Variants in RFTN1 observed in about 807,000 individuals in gnomAD.
RFTN1 encodes raftlin, lipid raft linker 1.
RFTN1 carries 26 observed loss-of-function variants against 46.5 expected under a neutral mutation model. The observed-to-expected ratio is 0.56, with a 90% CI of 0.41 to 0.78. The LOEUF is 0.78. Among genes scored for constraint, RFTN1 ranks in the 30% least tolerant of loss-of-function variants. RFTN1 has a pLI of 0.00. For missense variants in RFTN1, 693 were observed against 718.7 expected, an observed-to-expected ratio of 0.96 and a Z score of 0.41; for synonymous variants, 261 against 284.2, an observed-to-expected ratio of 0.92 and a Z score of 0.82.
chr3:16,323,799 GTC>G (rs921315272), intron 8 of RFTN1, among the ~76,000 whole-genome samples: 1 of 152,328 alleles, frequency 6.6e-6, no homozygotes, highest in South Asian at 2.1e-4. Flanking sequence ...TTCCAAATCT[GTC>G]TCTGGTAATG....
At position 16,353,685 on chromosome 3, in the gene RFTN1, C is replaced by G; in HGVS notation, c.1146+4247G>C. Among the ~76,000 whole-genome samples the G allele has an allele frequency of 6.6e-6, 1 of 152,146 alleles. No homozygotes were observed. Among genetic ancestry groups the G allele is most frequent in the Non-Finnish European group, 1.5e-5 (1 of 68,040 alleles). On this transcript the variant is annotated intron_variant, in intron 7 of 9. Coordinates refer to ENST00000334133, the MANE Select transcript of RFTN1 (RefSeq NM_015150.2). This position sits in a 1 kb window ranked among gnomAD's most constrained non-coding sequence, Gnocchi z 5.4. Reference sequence around the variant, plus strand: ...GTAATTAAGGTTAAATGAAGTCATACGCATGGGACCCTGATTGAACAGGAT... The same window carrying G: ...GTAATTAAGGTTAAATGAAGTCATAGGCATGGGACCCTGATTGAACAGGAT...
chr3:16,331,973 G>C (rs1273998279), intron 7 of RFTN1, among the ~76,000 whole-genome samples: 1 of 152,196 alleles, frequency 6.6e-6, no homozygotes, highest in Non-Finnish European at 1.5e-5. Flanking sequence ...ATGCTATTGA[G>C]ATAATCTATT....
rs2076395213 is a variant in RFTN1 at position 16,483,139 on chromosome 3, T to A, written c.145+10586A>T. Among the ~76,000 whole-genome samples the A allele has an allele frequency of 6.6e-6, 1 of 152,216 alleles. No homozygotes were observed. The highest frequency in any genetic ancestry group is 1.5e-5 in the Non-Finnish European group (1 of 68,030). ...AGATGGATTTGTTATGTTCTAAAAC[T>A]GCAGGTATCATATTTACAGAGAGGT... On this transcript the variant is annotated intron_variant, in intron 2 of 9. Transcript: ENST00000334133. This position sits in a 1 kb window ranked among gnomAD's most constrained non-coding sequence, Gnocchi z 4.8.
At chr3:16,411,463 AAGGGT>A (rs1309872963) in intron 3 of RFTN1, among the ~76,000 whole-genome samples, 1 of 152,172 alleles carries the variant, frequency 6.6e-6, no homozygotes, top group Non-Finnish European at 1.5e-5. Flanking sequence ...ATACCCTTCC[AAGGGT>A]AGGGTACTGT....
chr3:16,447,547 T>A lies in RFTN1; in HGVS notation c.146-13510A>T, dbSNP rs1386680433. Among the ~76,000 whole-genome samples the A allele has an allele frequency of 3.3e-5, 5 of 152,172 alleles. No homozygotes were observed. Among genetic ancestry groups the A allele is most frequent in the Non-Finnish European group, 7.4e-5 (5 of 68,018 alleles). ...TTTTCAGAGGCATTTTGGTTCCCACTAAAGAAAACGGGGTCCCTAATGGTG... is the reference window on the plus strand; with the variant it reads ...TTTTCAGAGGCATTTTGGTTCCCACAAAAGAAAACGGGGTCCCTAATGGTG... On this transcript the variant is annotated intron_variant, in intron 2 of 9. Coordinates refer to ENST00000334133, the MANE Select transcript of RFTN1 (RefSeq NM_015150.2). This position sits in a 1 kb window ranked among gnomAD's most constrained non-coding sequence, Gnocchi z 5.9.
chr3:16,384,345 G>A lies in RFTN1; in HGVS notation c.442-6243C>T. ...ATAAGATAGCACAGGGCAAGTTGAT[G>A]GAGGTCTCTAAATCTAAACCTGACT... On this transcript the variant is annotated intron_variant, in intron 4 of 9. Coordinates refer to ENST00000334133, the MANE Select transcript of RFTN1 (RefSeq NM_015150.2). This position sits in a 1 kb window ranked among gnomAD's most constrained non-coding sequence, Gnocchi z 4.7. 6.6e-6 allele frequency among the ~76,000 whole-genome samples: 1 copy of A among 152,210 alleles called. No individual in the cohort carries two copies. The highest frequency in any genetic ancestry group is 1.9e-4 in the East Asian group (1 of 5,202).
intron 2 of RFTN1, among the ~76,000 whole-genome samples, chr3:16,463,343 C>T (rs1448381659): frequency 6.6e-6 from 1 of 152,098 alleles, no homozygotes; most frequent in South Asian, 2.1e-4. Flanking sequence ...CCACTTGTCT[C>T]TTATGCTTTT....
rs975131487 is a variant in RFTN1, at chr3:16,338,246, A to T, written c.1147-11370T>A. Among the ~76,000 whole-genome samples, 1 of 152,232 alleles carries T rather than the reference A, an allele frequency of 6.6e-6. No individual in the cohort carries two copies. The highest frequency in any genetic ancestry group is 1.5e-5 in the Non-Finnish European group (1 of 68,038). Reference sequence around the variant, plus strand: ...CTTATTATCAGGGGTGTCTGCCCACACACACCTGCATGAGCAGAATGAGAA... The same window carrying T: ...CTTATTATCAGGGGTGTCTGCCCACTCACACCTGCATGAGCAGAATGAGAA... On this transcript the variant is annotated intron_variant, in intron 7 of 9. Transcript: ENST00000334133. The surrounding 1 kb of genome is among the most constrained non-coding windows in gnomAD (Gnocchi z 5.3).
chr3:16,338,152 C>T lies in RFTN1; in HGVS notation c.1147-11276G>A, dbSNP rs1488921359. Among the ~76,000 whole-genome samples the T allele has an allele frequency of 2.0e-5, 3 of 152,204 alleles. No individual in the cohort carries two copies. The highest frequency in any genetic ancestry group is 2.4e-5 in the African/African-American group (1 of 41,440). ...GTCCTGGTACATGCGGTTTCTCTAA[C>T]GTCAGTTACTTGGAAGGCAGAAAGA... On this transcript the variant is annotated intron_variant, in intron 7 of 9. Coordinates refer to ENST00000334133, the MANE Select transcript of RFTN1 (RefSeq NM_015150.2). The surrounding 1 kb of genome is among the most constrained non-coding windows in gnomAD (Gnocchi z 5.3).
Position 16,329,921 on chromosome 3 carries a change from C to T in RFTN1, c.1147-3045G>A, listed in dbSNP as rs1484850477. ...TTTTCTCTGCGGGCACCCAGAGCTGCGAGACAATGAACGACCCCTGCTGCA... is the reference window on the plus strand; with the variant it reads ...TTTTCTCTGCGGGCACCCAGAGCTGTGAGACAATGAACGACCCCTGCTGCA... On this transcript the variant is annotated intron_variant, in intron 7 of 9. Coordinates refer to ENST00000334133, the MANE Select transcript of RFTN1 (RefSeq NM_015150.2). This position sits in a 1 kb window ranked among gnomAD's most constrained non-coding sequence, Gnocchi z 4.5. Among the ~76,000 whole-genome samples the T allele has an allele frequency of 2.6e-5, 4 of 152,182 alleles. No homozygotes were observed. Among genetic ancestry groups the T allele is most frequent in the South Asian group, 2.1e-4 (1 of 4,818 alleles).
At chr3:16,359,471 A>G (rs554097507) in intron 6 of RFTN1, among the ~76,000 whole-genome samples, 2 of 152,176 alleles carry the variant, frequency 1.3e-5, no homozygotes, top group Non-Finnish European at 2.9e-5. Flanking sequence ...ATGGGGCCTT[A>G]GTCTAATAGG....
chr3:16,370,030 C>T lies in RFTN1; in HGVS notation c.1030+46G>A. ...GGACTAAGATTTCAAGAGTTAGAAG[C>T]AGAGTTCACAAAGGGCCACCCAAGG... On this transcript the variant is annotated intron_variant, in intron 6 of 9. Transcript: ENST00000334133. The surrounding 1 kb of genome is among the most constrained non-coding windows in gnomAD (Gnocchi z 5.5). 1 of 1,549,266 alleles carries T rather than the reference C, an allele frequency of 6.5e-7. No homozygotes were observed. Among genetic ancestry groups the T allele is most frequent in the Non-Finnish European group, 8.9e-7 (1 of 1,121,246 alleles).
chr3:16,388,982 C>A (rs1356222098), intron 4 of RFTN1, among the ~76,000 whole-genome samples: 1 of 152,206 alleles, frequency 6.6e-6, no homozygotes, highest in Non-Finnish European at 1.5e-5. Flanking sequence ...GAACTCAAAT[C>A]TCAGCACCAC....
rs1183542272 is a variant in RFTN1, at chr3:16,356,300, C to T, written c.1146+1632G>A. ...GGGCAGCAGGGTCACACAGGAGTAACTGGTGGGGCTGATCTCACACCAGGC... is the reference window on the plus strand; with the variant it reads ...GGGCAGCAGGGTCACACAGGAGTAATTGGTGGGGCTGATCTCACACCAGGC... On this transcript the variant is annotated intron_variant, in intron 7 of 9. Transcript: ENST00000334133. The surrounding 1 kb of genome is among the most constrained non-coding windows in gnomAD (Gnocchi z 4.9). 6.6e-6 allele frequency among the ~76,000 whole-genome samples: 1 copy of T among 152,174 alleles called. No homozygotes were observed. The highest frequency in any genetic ancestry group is 2.4e-5 in the African/African-American group (1 of 41,448).
At chr3:16,423,291 T>TG (rs1226973854) in intron 3 of RFTN1, among the ~76,000 whole-genome samples, 2 of 152,042 alleles carry the variant, frequency 1.3e-5, no homozygotes, top group African/African-American at 2.4e-5. Flanking sequence ...ACTGCAGGGA[T>TG]GGGGGGTTTG....
At chr3:16,365,445 TTAATATA>T (rs2073100008) in intron 6 of RFTN1, among the ~76,000 whole-genome samples, 1 of 152,150 alleles carries the variant, frequency 6.6e-6, no homozygotes, top group South Asian at 2.1e-4. Flanking sequence ...CCCCACATAT[TTAATATA>T]TATTTTATTT....
At position 16,448,919 on chromosome 3, in the gene RFTN1, T is replaced by C. The variant is rs2075779126; in HGVS notation, c.146-14882A>G. ...AGAAATATCAATAGACAGTAGGCCC[T>C]CCAGTTGGTTGTGTTGAGTCCCTGG... On this transcript the variant is annotated intron_variant, in intron 2 of 9. Transcript: ENST00000334133. This position sits in a 1 kb window ranked among gnomAD's most constrained non-coding sequence, Gnocchi z 4.1. Among the ~76,000 whole-genome samples, 1 of 152,174 alleles carries C rather than the reference T, an allele frequency of 6.6e-6. No homozygotes were observed. Among genetic ancestry groups the C allele is most frequent in the South Asian group, 2.1e-4 (1 of 4,820 alleles).
chr3:16,387,349 C>G lies in RFTN1; in HGVS notation c.442-9247G>C, dbSNP rs770086366. 6.6e-6 allele frequency among the ~76,000 whole-genome samples: 1 copy of G among 152,174 alleles called. No homozygotes were observed. The highest frequency in any genetic ancestry group is 1.5e-5 in the Non-Finnish European group (1 of 68,028). On this transcript the variant is annotated intron_variant, in intron 4 of 9. Coordinates refer to ENST00000334133, the MANE Select transcript of RFTN1 (RefSeq NM_015150.2). The surrounding 1 kb of genome is among the most constrained non-coding windows in gnomAD (Gnocchi z 5.2). ...TTTCTCCCCTCTGCTGGGTCCCACC[C>G]TCTCCCCACTTTCCCACCACCTCCA...
rs1333493535 is a variant in RFTN1 at position 16,443,534 on chromosome 3, C to A, written c.146-9497G>T. On this transcript the variant is annotated intron_variant, in intron 2 of 9. Transcript: ENST00000334133. This position sits in a 1 kb window ranked among gnomAD's most constrained non-coding sequence, Gnocchi z 5.5. ...AATCTCAGTAAGACTAAAAGAACTT[C>A]TTTAAGCTTATATAAACCTAAGATT... 6.6e-6 allele frequency among the ~76,000 whole-genome samples: 1 copy of A among 152,104 alleles called. No homozygotes were observed. The highest frequency in any genetic ancestry group is 2.4e-5 in the African/African-American group (1 of 41,438).
Sources: gnomAD v4.1 joint callset for allele counts (sites outside exome capture counted in the v4.1 genomes callset) on GRCh38, gnomAD v4.1.1 for gene constraint, Gnocchi (gnomAD v3.1) non-coding constraint, MANE v1.5 for transcripts, NCBI Gene and HGNC (gene_info 2026-07-23, HGNC 2026-07-21) for gene names.